Variants in TPTE2 observed in about 807,000 individuals in gnomAD.
The protein encoded by TPTE2 is phosphatidylinositol 3,4,5-trisphosphate 3-phosphatase TPTE2.
Under a neutral mutation model 78.6 loss-of-function variants are expected in TPTE2, and 53 were observed. The observed-to-expected ratio is 0.67, with a 90% CI of 0.54 to 0.85. The LOEUF (loss-of-function observed/expected upper bound fraction) is 0.85, where lower values mean the gene tolerates loss of function less well. Among genes scored for constraint, TPTE2 ranks in the 40% least tolerant of loss-of-function variants. The probability of loss-of-function intolerance (pLI) is 0.00; values close to 1 mark genes in which losing one functional copy is unlikely to be tolerated. For missense variants in TPTE2, 461 were observed against 623.0 expected, an observed-to-expected ratio of 0.74 and a Z score of 2.77; for synonymous variants, 175 against 206.2, an observed-to-expected ratio of 0.85 and a Z score of 1.30.
chr13:19,449,227 A>G (rs1269884516), intron 13 of TPTE2, among the ~76,000 whole-genome samples: 5 of 152,220 alleles, frequency 3.3e-5, no homozygotes, highest in South Asian at 4.1e-4. Flanking sequence ...AGGCTGGAGT[A>G]CAATGGTGCG....
chr13:19,448,703 C>T (rs565657993), intron 13 of TPTE2, among the ~76,000 whole-genome samples: 2 of 152,216 alleles, frequency 1.3e-5, no homozygotes, highest in South Asian at 2.1e-4. Flanking sequence ...CTCCCTTGTA[C>T]ACTGTTGGTG....
the TPTE2 span, among the ~76,000 whole-genome samples, chr13:19,553,300 A>G: frequency 6.6e-6 from 1 of 152,212 alleles, no homozygotes. Context: ...ACTTCAGATC[A>G]TCTTTTGAGA....
the TPTE2 span, among the ~76,000 whole-genome samples, chr13:19,549,834 A>G: frequency 7.0e-4 from 67 of 95,198 alleles, no homozygotes; most frequent in Non-Finnish European, 1.5e-3. Flanking sequence ...AAAGATAATG[A>G]GATCATGGCC....
At chr13:19,424,074 G>A (rs929024623) in intron 19 of TPTE2, among the ~76,000 whole-genome samples, 1 of 152,168 alleles carries the variant, frequency 6.6e-6, no homozygotes, top group African/African-American at 2.4e-5. Flanking sequence ...CTGTTGCCTT[G>A]CTGGACTTAA....
rs115050718 is a variant in TPTE2 at position 19,453,931 on chromosome 13, C to G, written c.742-2706G>C. 6.7e-3 allele frequency among the ~76,000 whole-genome samples: 1,021 copies of G among 152,316 alleles called. 8 individuals are homozygous for G. The highest frequency in any genetic ancestry group is 0.022 in the African/African-American group (904 of 41,566). ...GCAAAAGTAAAAAATGCTGTCTCCT[C>G]TTAGAAAGCCTCTTGCAACAACCTC... On this transcript the variant is annotated intron_variant, in intron 10 of 19. Transcript: ENST00000400230.
At chr13:19,537,283 G>T (rs1444736058), upstream of TPTE2, among the ~76,000 whole-genome samples, 3 of 150,406 alleles carry the variant, frequency 2.0e-5, no homozygotes, top group African/African-American at 7.4e-5. Context: ...ACCCAGGCTG[G>T]AGTGCAGTGG....
chr13:19,510,029 G>A (rs1332860460), intron 1 of TPTE2, among the ~76,000 whole-genome samples: 2 of 152,096 alleles, frequency 1.3e-5, no homozygotes, highest in South Asian at 4.1e-4. Flanking sequence ...GACTGAAAGT[G>A]GGAAAATTTC....
At chr13:19,434,088 T>C (rs1310740567) in intron 15 of TPTE2, among the ~76,000 whole-genome samples, 3 of 152,092 alleles carry the variant, frequency 2.0e-5, no homozygotes, top group Non-Finnish European at 1.5e-5. Flanking sequence ...AACCAACACA[T>C]AGGAGGCACT....
intron 4 of TPTE2, among the ~76,000 whole-genome samples, chr13:19,478,497 A>C (rs1880114063): frequency 6.6e-6 from 1 of 152,254 alleles, no homozygotes; most frequent in African/African-American, 2.4e-5. Flanking sequence ...CGATAATTAA[A>C]AAGTCAAGAA....
At chr13:19,430,265 C>A (rs1372023424) in intron 17 of TPTE2, among the ~76,000 whole-genome samples, 1 of 152,146 alleles carries the variant, frequency 6.6e-6, no homozygotes, top group East Asian at 1.9e-4. Context: ...CTGGAAAGCA[C>A]CCTGAAAAAA....
intron 16 of TPTE2, among the ~76,000 whole-genome samples, chr13:19,431,439 CAATT>C (rs1274940359): frequency 6.6e-6 from 1 of 151,944 alleles, no homozygotes; most frequent in Non-Finnish European, 1.5e-5. Flanking sequence ...GTTTCTCAGC[CAATT>C]AATTTTTTAT....
chr13:19,544,972 ACACACAC>A, the TPTE2 span, among the ~76,000 whole-genome samples: 9 of 145,422 alleles, frequency 6.2e-5, no homozygotes, highest in Non-Finnish European at 1.2e-4. Flanking sequence ...ACACACACAC[ACACACAC>A]GATAGGCAGC....
intron 10 of TPTE2, among the ~76,000 whole-genome samples, chr13:19,457,162 A>G (rs1310317074): frequency 2.0e-5 from 3 of 152,186 alleles, no homozygotes; most frequent in Non-Finnish European, 4.4e-5. Context: ...TACAACAATT[A>G]ATTGGAGGTC....
At chr13:19,456,581 T>C (rs1301461040) in intron 10 of TPTE2, among the ~76,000 whole-genome samples, 3 of 152,174 alleles carry the variant, frequency 2.0e-5, no homozygotes, top group African/African-American at 7.2e-5. Context: ...ACTTATCAAC[T>C]ACATAGAAAT....
chr13:19,527,638 A>G (rs1282271140), intron 1 of TPTE2, among the ~76,000 whole-genome samples: 5 of 151,582 alleles, frequency 3.3e-5, no homozygotes, highest in Admixed American at 1.3e-4. Context: ...ACTTTGGGAG[A>G]CCAAGGCAGG....
intron 1 of TPTE2, among the ~76,000 whole-genome samples, chr13:19,520,553 CT>C (rs965724409): frequency 1.3e-5 from 2 of 151,550 alleles, no homozygotes; most frequent in African/African-American, 2.4e-5. Flanking sequence ...TTTCACATAA[CT>C]TTTGGTTTTG....
intron 4 of TPTE2, among the ~76,000 whole-genome samples, chr13:19,476,677 C>A (rs1307887728): frequency 6.6e-6 from 1 of 152,124 alleles, no homozygotes; most frequent in Non-Finnish European, 1.5e-5. Context: ...CCATTTCACA[C>A]CAGTCAGAAT....
chr13:19,536,929 A>T (rs1871246975), upstream of TPTE2, among the ~76,000 whole-genome samples: 1 of 150,780 alleles, frequency 6.6e-6, no homozygotes, highest in East Asian at 1.9e-4. Context: ...TAATATGAAT[A>T]TGAAATAAAT....
chr13:19,468,025 CTTTTTTTTTTTTTT>C (rs71092364), intron 6 of TPTE2, among the ~76,000 whole-genome samples: 6 of 45,538 alleles, frequency 1.3e-4, no homozygotes, highest in East Asian at 1.6e-3. Flanking sequence ...GACAGGATCT[CTTTTTTTTTTTTTT>C]TTTTTTTTTT....
Sources: gnomAD v4.1 joint callset for allele counts (sites outside exome capture counted in the v4.1 genomes callset) on GRCh38, gnomAD v4.1.1 for gene constraint, MANE v1.5 for transcripts, NCBI Gene and HGNC (gene_info 2026-07-23, HGNC 2026-07-21) for gene names.